Variants in BBS9 observed in about 807,000 individuals in gnomAD.
BBS9 encodes the protein Bardet-Biedl syndrome 9.
Under a neutral mutation model 117.7 loss-of-function variants are expected in BBS9, and 89 were observed. The ratio of observed to expected loss-of-function variants is 0.76; its 90% CI spans 0.64 to 0.90. BBS9 has a LOEUF of 0.90. BBS9 is among the 40% of genes least tolerant of loss of function. The pLI is 0.00. For missense variants in BBS9, 982 were observed against 1,042.2 expected (o/e 0.94, Z 0.80); for synonymous variants, 379 against 370.9 (o/e 1.02, Z -0.25).
intron 19 of BBS9, among the ~76,000 whole-genome samples, chr7:33,444,011 G>A (rs1280816268): frequency 1.3e-5 from 2 of 152,164 alleles, no homozygotes; most frequent in Non-Finnish European, 2.9e-5. Flanking sequence ...ACCTCCTCAG[G>A]TTTGAAGGAT....
At position 33,336,562 on chromosome 7, in the gene BBS9, G is replaced by T. The variant is rs370729939; in HGVS notation, c.1138G>T (p.Glu380Ter). ...NVQSRELNYD[E>*]LDVEMKELQK... ...TCAATCTCGAGAACTAAACTATGAT[G>T]AACTTGATGTAGAAATGAAAGAACT... The change falls in exon 10 of 23, where the codon GAA (glutamate) becomes TAA (stop). Residue 380 changes from glutamate to a stop codon, truncating the protein, a stop_gained. Transcript: ENST00000242067. LOFTEE classifies it high-confidence loss of function. 3 of 1,613,048 alleles carry T rather than the reference G, an allele frequency of 1.9e-6. No individual in the cohort carries two copies. The highest frequency in any genetic ancestry group is 1.1e-5 in the South Asian group (1 of 90,970).
intron 9 of BBS9, among the ~76,000 whole-genome samples, chr7:33,294,019 C>A (rs952810143): frequency 2.0e-5 from 3 of 152,058 alleles, no homozygotes; most frequent in Admixed American, 6.5e-5. Context: ...TTCTCCATTT[C>A]TCTCAGAAGA....
chr7:33,546,908 A>G (rs1853469129), intron 21 of BBS9, among the ~76,000 whole-genome samples: 1 of 152,196 alleles, frequency 6.6e-6, no homozygotes, highest in South Asian at 2.1e-4. Context: ...CCTCACCCTC[A>G]GGTAGAAGAT....
chr7:33,326,205 A>C (rs950392011), intron 9 of BBS9, among the ~76,000 whole-genome samples: 45 of 151,720 alleles, frequency 3.0e-4, no homozygotes, highest in African/African-American at 1.1e-3. Flanking sequence ...GCCACAAGAC[A>C]ATGTCCTTCC....
chr7:33,326,709 T>A (rs1242020421), intron 9 of BBS9, among the ~76,000 whole-genome samples: 1 of 151,536 alleles, frequency 6.6e-6, no homozygotes, highest in Admixed American at 6.6e-5. Flanking sequence ...GAAACTTGCC[T>A]TGAGTGGATC....
downstream of BBS9, among the ~76,000 whole-genome samples, chr7:33,607,843 G>A (rs894438325): frequency 5.3e-5 from 8 of 151,150 alleles, no homozygotes; most frequent in African/African-American, 1.9e-4. Context: ...TTCTTATGCA[G>A]TGATACATTT....
At chr7:33,404,815 T>A (rs1829617440) in intron 19 of BBS9, among the ~76,000 whole-genome samples, 1 of 152,148 alleles carries the variant, frequency 6.6e-6, no homozygotes, top group South Asian at 2.1e-4. Context: ...CTTCCTCTTT[T>A]CCTAATTGAA....
chr7:33,262,484 A>G (rs1431392803), intron 6 of BBS9, among the ~76,000 whole-genome samples: 1 of 152,148 alleles, frequency 6.6e-6, no homozygotes, highest in Admixed American at 6.5e-5. Context: ...TTCTGTTGCT[A>G]TGAATTGGGA....
chr7:33,618,211 G>T (rs917096302), intron 21 of BBS9, among the ~76,000 whole-genome samples: 1 of 152,074 alleles, frequency 6.6e-6, no homozygotes, highest in South Asian at 2.1e-4. Context: ...TGGGCATAAT[G>T]TCACATGCCT....
intron 21 of BBS9, among the ~76,000 whole-genome samples, chr7:33,556,245 G>T (rs1179248430): frequency 1.3e-5 from 2 of 152,150 alleles, no homozygotes; most frequent in Non-Finnish European, 2.9e-5. Context: ...AGAGGAATTT[G>T]TTCTCTATCT....
In BBS9 at chr7:33,614,454, C is replaced by T. The variant is rs556261914; in HGVS notation, c.2522-20723C>T. On this transcript the variant is annotated intron_variant, in intron 21 of 21. Coordinates refer to the BBS9 transcript ENST00000671952. ...TCCCAGATATAAGGAGCTTGGAAAA[C>T]GTCACTCTGTCCTAACAAGGGAAAA... 1.7e-4 allele frequency among the ~76,000 whole-genome samples: 26 copies of T among 152,058 alleles called. No individual in the cohort carries two copies. The South Asian group carries it at 4.8e-3, about 28-fold the overall frequency.
chr7:33,536,277 A>G (rs1333873055), intron 21 of BBS9, among the ~76,000 whole-genome samples: 1 of 151,610 alleles, frequency 6.6e-6, no homozygotes, highest in Non-Finnish European at 1.5e-5. Context: ...CCCGCTTGCC[A>G]CTCTGTGGTT....
In BBS9 at chr7:33,307,772, C is replaced by CTT. The variant is rs61014537; in HGVS notation, c.1017-28656_1017-28655dup. Among the ~76,000 whole-genome samples, 186 of 145,462 alleles carry CTT rather than the reference C, an allele frequency of 1.3e-3. 1 individual carries two copies. The highest frequency in any genetic ancestry group is 5.0e-3 in the South Asian group (23 of 4,560). On this transcript the variant is annotated intron_variant, in intron 9 of 22. Transcript: ENST00000242067. ...GCGTGTTCAGTGCAGATGCAGCCAT[C>CTT]TTTTTTTTTTTTTTAGTATTTTTGA...
At chr7:33,268,561 A>G (rs1799207763) in intron 7 of BBS9, among the ~76,000 whole-genome samples, 1 of 151,858 alleles carries the variant, frequency 6.6e-6, no homozygotes, top group South Asian at 2.1e-4. Context: ...TGTTTCATTT[A>G]TTTTGTCCAC....
intron 7 of BBS9, among the ~76,000 whole-genome samples, chr7:33,267,601 T>C (rs912129072): frequency 6.6e-6 from 1 of 152,118 alleles, no homozygotes. Flanking sequence ...AGGTGATATA[T>C]TACCTTATAT....
At chr7:33,425,994 G>T (rs1439537828) in intron 19 of BBS9, among the ~76,000 whole-genome samples, 1 of 152,084 alleles carries the variant, frequency 6.6e-6, no homozygotes, top group Non-Finnish European at 1.5e-5. Context: ...CTGACTTTAG[G>T]TAACATTTAT....
chr7:33,482,298 G>C (rs571233975), intron 19 of BBS9, among the ~76,000 whole-genome samples: 1 of 152,298 alleles, frequency 6.6e-6, no homozygotes, highest in East Asian at 1.9e-4. Flanking sequence ...TGACTACCAT[G>C]TTGCCTTGGA....
rs74695058 is a variant in BBS9 at position 33,415,682 on chromosome 7, T to C, written c.2115+27538T>C. 2.6e-4 allele frequency among the ~76,000 whole-genome samples: 40 copies of C among 152,324 alleles called. No homozygotes were observed. The East Asian group carries it at 7.0e-3, about 26-fold the overall frequency. On this transcript the variant is annotated intron_variant, in intron 19 of 22. Transcript: ENST00000242067. Reference sequence around the variant, plus strand: ...TCCTGCTTGTTGTATCCTTGATCTGTAGTCTTCTTAGCTTTACTTAAACAC... The same window carrying C: ...TCCTGCTTGTTGTATCCTTGATCTGCAGTCTTCTTAGCTTTACTTAAACAC...
At chr7:33,556,813 A>G in intron 21 of BBS9, among the ~76,000 whole-genome samples, 1 of 152,160 alleles carries the variant, frequency 6.6e-6, no homozygotes, top group East Asian at 1.9e-4. Context: ...CACATTAGCC[A>G]CCTAAGGTAC....
Sources: gnomAD v4.1 joint callset for allele counts (sites outside exome capture counted in the v4.1 genomes callset) on GRCh38, gnomAD v4.1.1 for gene constraint, MANE v1.5 for transcripts, NCBI Gene and HGNC (gene_info 2026-07-23, HGNC 2026-07-21) for gene names.